KCNC3: variants seen among roughly 807,000 people sequenced by gnomAD.
The protein encoded by KCNC3 is potassium voltage-gated channel subfamily C member 3.
KCNC3 carries 22 observed loss-of-function variants against 43.9 expected under a neutral mutation model. The observed-to-expected ratio is 0.50, with a 90% CI of 0.36 to 0.72. The LOEUF (loss-of-function observed/expected upper bound fraction) is 0.72. KCNC3 is among the 30% of genes least tolerant of loss of function. KCNC3 has a pLI of 0.00. For synonymous variants in KCNC3, 492 were observed against 488.0 expected, an observed-to-expected ratio of 1.01 and a Z score of -0.11; for missense variants, 829 against 1,073.8, an observed-to-expected ratio of 0.77 and a Z score of 3.19.
At chr19:50,330,423 C>T (rs1169828067), upstream of KCNC3, among the ~76,000 whole-genome samples, 1 of 151,668 alleles carries the variant, frequency 6.6e-6, no homozygotes. Context: ...GAGGTGGATC[C>T]CAGGGGAACA....
In KCNC3 at chr19:50,313,758, T is replaced by C. The variant is rs372034891; in HGVS notation, c.*2357A>G. On this transcript the variant is annotated 3_prime_UTR_variant, in exon 5 of 5. Coordinates refer to ENST00000477616, the MANE Select transcript of KCNC3 (RefSeq NM_004977.3). ...AAGAAATGTCAGTTGTGGGAAGGAT[T>C]TGGAGCATCCCAAAGGCTGAATTTG... The C allele has an allele frequency of 8.1e-4, 123 of 152,044 alleles. No individual in the cohort carries two copies. Among genetic ancestry groups the C allele is most frequent in the African/African-American group, 2.9e-3 (120 of 41,396 alleles). 9.4% of individuals were successfully genotyped at this position (152,044 alleles called of 1,614,324 possible).
intron 2 of KCNC3, among the ~76,000 whole-genome samples, chr19:50,322,673 GTCTC>G (rs1286337120): frequency 6.6e-6 from 1 of 151,976 alleles, no homozygotes; most frequent in Non-Finnish European, 1.5e-5. Flanking sequence ...CTCTTTCTGT[GTCTC>G]TCTGAGCCCC....
At chr19:50,329,823 T>C (rs2037163038), upstream of KCNC3, 1 of 151,320 alleles carries the variant, frequency 6.6e-6, no homozygotes, top group African/African-American at 2.4e-5. Flanking sequence ...CTTGAGAGAG[T>C]CCTGGAAACC....
upstream of KCNC3, among the ~76,000 whole-genome samples, chr19:50,330,073 C>T (rs1256117516): frequency 6.6e-6 from 1 of 152,106 alleles, no homozygotes; most frequent in Non-Finnish European, 1.5e-5. Context: ...TCGAGACCAG[C>T]CCGGCCAAAA....
At chr19:50,327,697 G>A (rs2037122804) in intron 1 of KCNC3, among the ~76,000 whole-genome samples, 1 of 152,064 alleles carries the variant, frequency 6.6e-6, no homozygotes, top group South Asian at 2.1e-4. Context: ...AGAAGGCAGG[G>A]AAAGTGGGGG....
rs571577917 is a variant in KCNC3, at chr19:50,320,017, A to G, written c.*23+206T>C. On this transcript the variant is annotated intron_variant, in intron 4 of 4. Transcript: ENST00000477616. ...GCAGTGTGGGAGGCAGGGTTGAGTTAGTTCGGGGGTTAGTGAGGAGCAGGG... is the reference window on the plus strand; with the variant it reads ...GCAGTGTGGGAGGCAGGGTTGAGTTGGTTCGGGGGTTAGTGAGGAGCAGGG... Among the ~76,000 whole-genome samples, 3 of 142,998 alleles carry G rather than the reference A, an allele frequency of 2.1e-5. No homozygotes were observed. In the South Asian group the frequency reaches 6.9e-4, roughly 33 times the overall value. 93.8% of individuals were successfully genotyped at this position (142,998 alleles called of 152,430 possible). A position where few individuals can be genotyped will look rare whatever the true frequency, so the allele number is the denominator to read the frequency against.
In KCNC3 at chr19:50,315,337, C is replaced by G. The variant is rs993584018; in HGVS notation, c.*778G>C. ...GGAGGCAGGTTGGTGCCCACCGAGC[C>G]TCCCCCGCCCCATTCCCACCACAGT... On this transcript the variant is annotated 3_prime_UTR_variant, in exon 5 of 5. Transcript: ENST00000477616. 6.6e-6 allele frequency among the ~76,000 whole-genome samples: 1 copy of G among 151,816 alleles called. No individual in the cohort carries two copies. The highest frequency in any genetic ancestry group is 2.4e-5 in the African/African-American group (1 of 41,310).
chr19:50,313,131 G>A lies in KCNC3; in HGVS notation c.*2984C>T, dbSNP rs1219560214. ...AGTCTGGGACCGGTGTGGTCTCTGG[G>A]CTTGGGGGAGGTAGCGCATCCTTGA... On this transcript the variant is annotated 3_prime_UTR_variant, in exon 5 of 5. Transcript: ENST00000477616. 1 of 152,146 alleles carries A rather than the reference G, an allele frequency of 6.6e-6. No homozygotes were observed. Among genetic ancestry groups the A allele is most frequent in the African/African-American group, 2.4e-5 (1 of 41,430 alleles). The allele number at this position is 152,146 out of a possible 1,614,324, so 9.4% of individuals were successfully genotyped here.
At chr19:50,330,254 G>A (rs570542521), upstream of KCNC3, among the ~76,000 whole-genome samples, 2 of 152,168 alleles carry the variant, frequency 1.3e-5, no homozygotes, top group Admixed American at 1.3e-4. Context: ...GCGACAGAGC[G>A]AGACTCTGTG....
rs760887320 is a variant in KCNC3 at position 50,320,705 on chromosome 19, G to A, written c.2058C>T (p.Ser686=). 2.5e-6 allele frequency: 4 copies of A among 1,613,844 alleles called. No individual in the cohort carries two copies. The South Asian group carries it at 3.3e-5, about 13-fold the overall frequency. The change falls in exon 3 of 5, where the codon TCC becomes TCT. Residue 686 remains serine (S), a synonymous_variant. Transcript: ENST00000477616. ...GCGTGATGGGGCTCTTGTCTTCCGG[G>A]GACATGGCAGGCTGGTCAATGGCTG... ...DCPAIDQPAM[S]PEDKSPITPG...
chr19:50,333,111 C>T (rs1484680150), upstream of KCNC3, among the ~76,000 whole-genome samples: 1 of 152,192 alleles, frequency 6.6e-6, no homozygotes, highest in Non-Finnish European at 1.5e-5. Flanking sequence ...GATCCCAAGT[C>T]CCCCGTCTCC....
Position 50,314,495 on chromosome 19 carries a change from A to G in KCNC3, c.*1620T>C, listed in dbSNP as rs1401458354. On this transcript the variant is annotated 3_prime_UTR_variant, in exon 5 of 5. Transcript: ENST00000477616. ...GAGGTGGACTTGGAGTGGGGGCTCC[A>G]GGTTAGGGAAGGCATGCAGTGTGTG... is the stretch of plus-strand genomic sequence containing the variant. The G allele has an allele frequency of 2.8e-4, 50 of 181,358 alleles. No homozygotes were observed. The highest frequency in any genetic ancestry group is 8.2e-5 in the Non-Finnish European group (7 of 85,556). 11.2% of individuals were successfully genotyped at this position (181,358 alleles called of 1,614,324 possible).
At position 50,324,266 on chromosome 19, in the gene KCNC3, A is replaced by G. The variant is rs1351922533; in HGVS notation, c.871-184T>C. 6.6e-6 allele frequency among the ~76,000 whole-genome samples: 1 copy of G among 152,202 alleles called. No homozygotes were observed. The highest frequency in any genetic ancestry group is 1.5e-5 in the Non-Finnish European group (1 of 68,026). ...GAATCCCATTCTCCCCTCTAAAGCT[A>G]GCAAAAAGGGAGAGAAAGGAACAGA... On this transcript the variant is annotated intron_variant, in intron 1 of 4. Transcript: ENST00000477616. This position sits in a 1 kb window ranked among gnomAD's most constrained non-coding sequence, Gnocchi z 4.1.
At chr19:50,322,664 T>C (rs533770650) in intron 2 of KCNC3, among the ~76,000 whole-genome samples, 115 of 152,242 alleles carry the variant, frequency 7.6e-4, no homozygotes, top group African/African-American at 2.6e-3. Flanking sequence ...TGTGAGACCC[T>C]CTTTCTGTGT....
At chr19:50,322,211 T>C (rs890530812) in intron 2 of KCNC3, among the ~76,000 whole-genome samples, 3 of 152,102 alleles carry the variant, frequency 2.0e-5, no homozygotes, top group Non-Finnish European at 2.9e-5. Flanking sequence ...CTCTGAGGCA[T>C]AGACACCCCC....
chr19:50,325,642 G>A (rs765836299), intron 1 of KCNC3, among the ~76,000 whole-genome samples: 11 of 152,094 alleles, frequency 7.2e-5, no homozygotes, highest in Non-Finnish European at 8.8e-5. Flanking sequence ...AGAGGCCTTC[G>A]CAGAGCGCAT....
chr19:50,325,914 G>A (rs1031124724), intron 1 of KCNC3, among the ~76,000 whole-genome samples: 13 of 152,066 alleles, frequency 8.5e-5, no homozygotes, highest in Non-Finnish European at 1.8e-4. Flanking sequence ...CCCTCCCAGG[G>A]CACAGGGAAA....
rs753228810 is a variant in KCNC3 at position 50,320,578 on chromosome 19, G to C, written c.2170+15C>G. The C allele has an allele frequency of 6.2e-7, 1 of 1,606,810 alleles. No homozygotes were observed. Among genetic ancestry groups the C allele is most frequent in the Admixed American group, 1.7e-5 (1 of 59,298 alleles). On this transcript the variant is annotated intron_variant, in intron 3 of 4. Transcript: ENST00000477616. The stretch of plus-strand genomic sequence containing the variant: ...GAGGGAGGGTCCCAGGGGATCAGTA[G>C]GGGGGGCACCTCACCTTTTCGGATG...
chr19:50,330,853 G>A (rs1433716724), upstream of KCNC3, among the ~76,000 whole-genome samples: 1 of 151,904 alleles, frequency 6.6e-6, no homozygotes, highest in African/African-American at 2.4e-5. Flanking sequence ...GGCGGTCGTA[G>A]GCTCCGAGAG....
Sources: gnomAD v4.1 joint callset for allele counts (sites outside exome capture counted in the v4.1 genomes callset) on GRCh38, gnomAD v4.1.1 for gene constraint, Gnocchi (gnomAD v3.1) non-coding constraint, MANE v1.5 for transcripts, NCBI Gene and HGNC (gene_info 2026-07-23, HGNC 2026-07-21) for gene names.